CNTNAP5: variants seen among roughly 807,000 people sequenced by gnomAD.
The protein encoded by CNTNAP5 is contactin associated protein family member 5.
Under a neutral mutation model 150.2 loss-of-function variants are expected in CNTNAP5, and 72 were observed. The observed-to-expected ratio is 0.48, with a 90% confidence interval of 0.40 to 0.58. The LOEUF is 0.58. Ranked by LOEUF, CNTNAP5 falls within the 20% of genes least tolerant of loss-of-function variation. The pLI, the probability that CNTNAP5 is intolerant of heterozygous loss-of-function variation, is 0.00. For missense variants in CNTNAP5, 1,636 were observed against 1,626.2 expected, an observed-to-expected ratio of 1.01 and a Z score of -0.10; for synonymous variants, 672 against 619.8, an observed-to-expected ratio of 1.08 and a Z score of -1.25.
chr2:124,064,582 G>A (rs547915537), intron 1 of CNTNAP5, among the ~76,000 whole-genome samples: 7 of 152,130 alleles, frequency 4.6e-5, no homozygotes, highest in East Asian at 3.9e-4. Context: ...TCTATCATGC[G>A]AATCTTATAA....
intron 19 of CNTNAP5, among the ~76,000 whole-genome samples, chr2:124,860,637 T>C (rs1677505861): frequency 6.6e-6 from 1 of 151,912 alleles, no homozygotes; most frequent in Non-Finnish European, 1.5e-5. Context: ...GGCCAGACAC[T>C]AGAAACCCAA....
chr2:124,374,836 G>A (rs1044965343), intron 3 of CNTNAP5, among the ~76,000 whole-genome samples: 1 of 151,954 alleles, frequency 6.6e-6, no homozygotes. Context: ...AACGTCCTAT[G>A]ACTCACAAAA....
At chr2:124,268,188 G>T (rs1353919411) in intron 3 of CNTNAP5, among the ~76,000 whole-genome samples, 5 of 152,154 alleles carry the variant, frequency 3.3e-5, no homozygotes, top group South Asian at 4.1e-4. Flanking sequence ...GAAGAGAACT[G>T]CCATTTAAAA....
At chr2:124,062,104 A>G (rs1169140222) in intron 1 of CNTNAP5, among the ~76,000 whole-genome samples, 1 of 152,140 alleles carries the variant, frequency 6.6e-6, no homozygotes, top group Non-Finnish European at 1.5e-5. Context: ...CACATGGCCA[A>G]TACTTGCTTT....
intron 13 of CNTNAP5, among the ~76,000 whole-genome samples, chr2:124,707,239 G>A (rs1260469813): frequency 6.6e-6 from 1 of 151,920 alleles, no homozygotes; most frequent in African/African-American, 2.4e-5. Context: ...TGACACTGAG[G>A]AGAGGGCGAG....
At chr2:124,855,391 T>C (rs1224210284) in intron 19 of CNTNAP5, among the ~76,000 whole-genome samples, 2 of 152,078 alleles carry the variant, frequency 1.3e-5, no homozygotes, top group African/African-American at 4.8e-5. Flanking sequence ...TTGGTCAGGC[T>C]CGAACTCCTG....
At chr2:124,184,424 A>G (rs1031085412) in intron 1 of CNTNAP5, among the ~76,000 whole-genome samples, 1 of 152,182 alleles carries the variant, frequency 6.6e-6, no homozygotes, top group East Asian at 1.9e-4. Flanking sequence ...TAAAGAATGA[A>G]TCTTTTCTTT....
intron 1 of CNTNAP5, among the ~76,000 whole-genome samples, chr2:124,060,835 A>G (rs1395969550): frequency 6.6e-6 from 1 of 152,214 alleles, no homozygotes; most frequent in African/African-American, 2.4e-5. Context: ...CTTTGACCTC[A>G]TTCAAATTAG....
intron 6 of CNTNAP5, among the ~76,000 whole-genome samples, chr2:124,469,892 A>G (rs1351120248): frequency 6.6e-6 from 1 of 152,168 alleles, no homozygotes; most frequent in Non-Finnish European, 1.5e-5. Flanking sequence ...ATGTTCCTGC[A>G]AAGGACATGA....
chr2:124,159,763 C>T (rs1033032174), intron 1 of CNTNAP5, among the ~76,000 whole-genome samples: 1 of 152,142 alleles, frequency 6.6e-6, no homozygotes, highest in African/African-American at 2.4e-5. Context: ...TTTGAATACA[C>T]TCAATTCTGA....
At chr2:124,737,926 A>AT (rs1272991724) in intron 13 of CNTNAP5, among the ~76,000 whole-genome samples, 10 of 152,026 alleles carry the variant, frequency 6.6e-5, no homozygotes. Flanking sequence ...CATTAAAAAA[A>AT]AGCATGAATC....
chr2:124,680,189 A>T (rs1679034146), intron 13 of CNTNAP5, among the ~76,000 whole-genome samples: 1 of 151,858 alleles, frequency 6.6e-6, no homozygotes, highest in Non-Finnish European at 1.5e-5. Context: ...CTCAAGGTTC[A>T]GCATAAATGT....
intron 17 of CNTNAP5, among the ~76,000 whole-genome samples, chr2:124,788,952 AG>A (rs1681658971): frequency 6.6e-6 from 1 of 152,078 alleles, no homozygotes; most frequent in Non-Finnish European, 1.5e-5. Flanking sequence ...ATCTTAGTGA[AG>A]CCTCACCACA....
At position 124,482,070 on chromosome 2, in the gene CNTNAP5, G is replaced by A. The variant is rs80255528; in HGVS notation, c.1062+7188G>A. ...AAACGGGCTATGTAAAAGTTGAAAC[G>A]ACCTCAGATGTGCTTCCTGATGCAA... On this transcript the variant is annotated intron_variant, in intron 7 of 23. Transcript: ENST00000682447. Among the ~76,000 whole-genome samples, 795 of 152,292 alleles carry A rather than the reference G, an allele frequency of 5.2e-3. 8 individuals are homozygous for A. The highest frequency in any genetic ancestry group is 0.018 in the African/African-American group (745 of 41,556).
intron 13 of CNTNAP5, among the ~76,000 whole-genome samples, chr2:124,722,699 C>T (rs1422430617): frequency 1.1e-4 from 17 of 152,138 alleles, no homozygotes; most frequent in Non-Finnish European, 2.5e-4. Flanking sequence ...AGGGGGTAGC[C>T]TCAACCTCAG....
intron 1 of CNTNAP5, among the ~76,000 whole-genome samples, chr2:124,091,971 T>C (rs1250332911): frequency 6.6e-6 from 1 of 152,222 alleles, no homozygotes; most frequent in Non-Finnish European, 1.5e-5. Context: ...CCTCGGCTTC[T>C]GTGCCTTCTT....
intron 19 of CNTNAP5, 100 bp downstream of exon 19, chr2:124,798,420 C>T: frequency 1.2e-6 from 1 of 816,036 alleles, no homozygotes; most frequent in East Asian, 2.6e-5. Flanking sequence ...CAAGTTGGTC[C>T]CATCTGGGAA....
At chr2:124,352,326 G>C (rs1223860765) in intron 3 of CNTNAP5, among the ~76,000 whole-genome samples, 3 of 152,126 alleles carry the variant, frequency 2.0e-5, no homozygotes, top group Non-Finnish European at 4.4e-5. Context: ...TTACCTGTCG[G>C]AAGTCTCAAT....
At chr2:124,827,472 T>C (rs1682620815) in intron 19 of CNTNAP5, among the ~76,000 whole-genome samples, 1 of 152,170 alleles carries the variant, frequency 6.6e-6, no homozygotes, top group African/African-American at 2.4e-5. Context: ...CTAAATCTGA[T>C]GTTTTGTCCT....
Sources: gnomAD v4.1 joint callset for allele counts (sites outside exome capture counted in the v4.1 genomes callset) on GRCh38, gnomAD v4.1.1 for gene constraint, MANE v1.5 for transcripts, NCBI Gene and HGNC (gene_info 2026-07-23, HGNC 2026-07-21) for gene names.